Variants in COL5A3 observed in about 807,000 individuals in gnomAD.
COL5A3 encodes the protein collagen alpha-3(V) chain.
COL5A3 carries 172 observed loss-of-function variants against 250.0 expected under a neutral mutation model. The ratio of observed to expected loss-of-function variants is 0.69; its 90% CI spans 0.61 to 0.78. The LOEUF (loss-of-function observed/expected upper bound fraction) is 0.78, where lower values mean the gene tolerates loss of function less well. COL5A3 is among the 30% of genes least tolerant of loss of function. The probability of loss-of-function intolerance (pLI) is 0.00; values close to 1 mark genes in which losing one functional copy is unlikely to be tolerated. For missense variants in COL5A3, 2,340 were observed against 2,334.4 expected, an observed-to-expected ratio of 1.00 and a Z score of -0.05; for synonymous variants, 937 against 900.4, an observed-to-expected ratio of 1.04 and a Z score of -0.73.
intron 51 of COL5A3, among the ~76,000 whole-genome samples, chr19:9,972,145 AT>A (rs1430143020): frequency 6.6e-6 from 1 of 152,094 alleles, no homozygotes; most frequent in Admixed American, 6.6e-5. Flanking sequence ...TCATGCATCC[AT>A]TAATTTACTT....
At chr19:9,969,050 G>C (rs2277967) in intron 57 of COL5A3, among the ~76,000 whole-genome samples, 24,241 of 152,064 alleles carry the variant, frequency 0.16, 2,291 homozygotes, top group East Asian at 0.23. Context: ...TGGAGTATTA[G>C]AGCAGAGGGT....
rs1023864284 is a variant in COL5A3 at position 9,960,335 on chromosome 19, C to T, written c.*76G>A. The T allele has an allele frequency of 1.2e-5, 18 of 1,563,860 alleles. No individual in the cohort carries two copies. The highest frequency in any genetic ancestry group is 6.8e-5 in the African/African-American group (5 of 73,630). ...CCATAGTCACAGGTAACGAAAAATA[C>T]GGTGGCTTCAAAGCCTCAGCACCAA... On this transcript the variant is annotated 3_prime_UTR_variant, in exon 67 of 67. Transcript: ENST00000264828.
At chr19:10,000,311 T>TGG (rs1335051186) in intron 8 of COL5A3, among the ~76,000 whole-genome samples, 4 of 152,082 alleles carry the variant, frequency 2.6e-5, no homozygotes, top group African/African-American at 7.2e-5. Context: ...AAGACCAAAA[T>TGG]GGAGCATGTC....
chr19:10,006,179 G>A lies in COL5A3; in HGVS notation c.141C>T (p.Val47=), dbSNP rs774258220. The A allele has an allele frequency of 6.2e-7, 1 of 1,608,438 alleles. No individual in the cohort carries two copies. The highest frequency in any genetic ancestry group is 8.5e-7 in the Non-Finnish European group (1 of 1,177,644). Residue 47 remains valine (V), a synonymous_variant, in exon 2 of 67, where the codon GTC becomes GTT. Coordinates refer to ENST00000264828, the MANE Select transcript of COL5A3 (RefSeq NM_015719.4). ...GGGGACAGAAGCCAGGCCCCTCGGGGACCCCAGCCTGGCCTCCCTGCACAC... is the reference window on the plus strand; with the variant it reads ...GGGGACAGAAGCCAGGCCCCTCGGGAACCCCAGCCTGGCCTCCCTGCACAC... ...ALGVQGGQAG[V]PEGPGFCPQR...
rs62104329 is a variant in COL5A3, at chr19:9,971,906, A to G, written c.3775-648T>C. ...AATTCAAGTGTTAGAATGATCTGCC[A>G]TGAAATCAACTTTCTTGCCATTCAA... is the stretch of plus-strand genomic sequence containing the variant. On this transcript the variant is annotated intron_variant, in intron 51 of 66. Transcript: ENST00000264828. 6.5e-3 allele frequency among the ~76,000 whole-genome samples: 553 copies of G among 84,654 alleles called. 70 individuals carry two copies. Among genetic ancestry groups the G allele is most frequent in the African/African-American group, 0.056 (504 of 8,978 alleles). The allele number at this position is 84,654 out of a possible 152,430, so 55.5% of individuals were successfully genotyped here.
intron 8 of COL5A3, among the ~76,000 whole-genome samples, chr19:9,998,551 C>T (rs1277062367): frequency 6.6e-6 from 1 of 152,166 alleles, no homozygotes; most frequent in Non-Finnish European, 1.5e-5. Flanking sequence ...TAAAACAATG[C>T]TTGGCACACA....
At position 9,975,223 on chromosome 19, in the gene COL5A3, C is replaced by T. The variant is rs35465645; in HGVS notation, c.3343-815G>A. 4.1e-3 allele frequency among the ~76,000 whole-genome samples: 624 copies of T among 152,102 alleles called. 2 individuals carry two copies. Among genetic ancestry groups the T allele is most frequent in the African/African-American group, 0.011 (474 of 41,484 alleles). On this transcript the variant is annotated intron_variant, in intron 45 of 66. Transcript: ENST00000264828. ...CCAAGTAGCTGGGATTACAGGGGCCCGCCACCATGCCCAGCAAATTTTTTT... is the reference window on the plus strand; with the variant it reads ...CCAAGTAGCTGGGATTACAGGGGCCTGCCACCATGCCCAGCAAATTTTTTT...
chr19:9,963,604 G>A (rs543684641), intron 64 of COL5A3, among the ~76,000 whole-genome samples: 22 of 145,666 alleles, frequency 1.5e-4, no homozygotes, highest in South Asian at 6.7e-4. Flanking sequence ...TGTTGCCCAG[G>A]CTGGTCTTGA....
chr19:9,970,921 T>A, intron 53 of COL5A3, 54 bp downstream of exon 53: 2 of 1,254,932 alleles, frequency 1.6e-6, no homozygotes, highest in Non-Finnish European at 2.2e-6. Context: ...ATTCACTCAC[T>A]CATTAGCTCC....
chr19:9,977,947 C>CATATATATATATATATATATATAT (rs372091609), intron 41 of COL5A3, among the ~76,000 whole-genome samples: 9 of 106,156 alleles, frequency 8.5e-5, no homozygotes, highest in African/African-American at 2.2e-4. Context: ...GCAGCCTATA[C>CATATATATATATATATATATATAT]ATATATATAT....
Position 9,968,086 on chromosome 19 carries a change from A to G in COL5A3, c.4315-7T>C. On this transcript the variant is annotated splice_region_variant and splice_polypyrimidine_tract_variant and intron_variant, in intron 59 of 66. Coordinates refer to ENST00000264828, the MANE Select transcript of COL5A3 (RefSeq NM_015719.4). The surrounding 1 kb of genome is among the most constrained non-coding windows in gnomAD (Gnocchi z 4.1). ...CAATGGGACCAGGGGGACCCTAGGA[A>G]AAGGACATCGGGTCAGTATTGGTGG... 6.3e-7 allele frequency: 1 copy of G among 1,587,208 alleles called. No individual in the cohort carries two copies. Among genetic ancestry groups the G allele is most frequent in the Admixed American group, 2.0e-5 (1 of 50,636 alleles).
chr19:9,968,610 C>T lies in COL5A3; in HGVS notation c.4206+65G>A. 3.1e-6 allele frequency: 5 copies of T among 1,593,256 alleles called. No individual in the cohort carries two copies. Among genetic ancestry groups the T allele is most frequent in the Middle Eastern group, 1.7e-4 (1 of 6,006 alleles). On this transcript the variant is annotated intron_variant, in intron 58 of 66. Transcript: ENST00000264828. The surrounding 1 kb of genome is among the most constrained non-coding windows in gnomAD (Gnocchi z 4.1). ...GAGGATGCACCAATCTCCCAGCCCC[C>T]CAGCCAGGGAGGGAGGGAAAGAGGG... is the stretch of plus-strand genomic sequence containing the variant.
rs148984679 is a variant in COL5A3 at position 9,967,329 on chromosome 19, G to GC, written c.4458+17dup. 36,161 of 1,413,886 alleles carry GC rather than the reference G, an allele frequency of 0.026. 2,096 individuals are homozygous for GC. Among genetic ancestry groups the GC allele is most frequent in the African/African-American group, 0.24 (15,716 of 65,666 alleles). The allele number at this position is 1,413,886 out of a possible 1,614,324, so 87.6% of individuals were successfully genotyped here. A position where few individuals can be genotyped will look rare whatever the true frequency, so the allele number is the denominator to read the frequency against. ...CCCAGGTTTTGGTGTCCATTCCCCC[G>GC]CCCCCCGGGGAACTCACCGGGGGGC... On this transcript the variant is annotated intron_variant, in intron 62 of 66. Coordinates refer to ENST00000264828, the MANE Select transcript of COL5A3 (RefSeq NM_015719.4).
rs770696578 is a variant in COL5A3, at chr19:9,973,000, C to G, written c.3693G>C (p.Lys1231Asn). 6.2e-7 allele frequency: 1 copy of G among 1,610,470 alleles called. No individual in the cohort carries two copies. The highest frequency in any genetic ancestry group is 8.5e-7 in the Non-Finnish European group (1 of 1,178,424). ...IPGPKGDIGEKGDSGPSGAAG... is the reference protein window; with the variant it reads ...IPGPKGDIGENGDSGPSGAAG... ...CAGCTCCAGATGGGCCTGAGTCCCC[C>G]TTTTCACCAATGTCTCCCTTGGGCC... The change falls in exon 51 of 67, where the codon AAG (lysine) becomes AAC (asparagine). Residue 1231 changes from lysine (K) to asparagine (N), a missense_variant. By Grantham distance (94) the Lys-to-Asn change is moderately conservative (BLOSUM62 0). This residue lies in a region of COL5A3 where 1,179 missense variants were observed against 1,162.6 expected (regional missense o/e 1.01). Coordinates refer to ENST00000264828, the MANE Select transcript of COL5A3 (RefSeq NM_015719.4).
At chr19:10,010,025 C>G (rs1392532776) in intron 1 of COL5A3, among the ~76,000 whole-genome samples, 1 of 152,144 alleles carries the variant, frequency 6.6e-6, no homozygotes, top group African/African-American at 2.4e-5. Flanking sequence ...CACACACATG[C>G]TACACACACA....
chr19:9,991,643 A>G lies in COL5A3; in HGVS notation c.1959T>C (p.Gly653=), dbSNP rs779923858. The G allele has an allele frequency of 1.2e-5, 20 of 1,610,130 alleles. No homozygotes were observed. The highest frequency in any genetic ancestry group is 1.7e-5 in the Non-Finnish European group (20 of 1,178,190). Residue 653 remains glycine, a synonymous_variant, in exon 24 of 67, where the codon GGT becomes GGC. Coordinates refer to ENST00000264828, the MANE Select transcript of COL5A3 (RefSeq NM_015719.4). ...CAGGAGTGCCAATGAGTCCCTGGGG[A>G]CCGGGGAGTCCCTGGAGACAGAAAA... is the stretch of plus-strand genomic sequence containing the variant. ...QGNHGSQGLP[G]PQGLIGTPGE...
intron 1 of COL5A3, 31 bp downstream of exon 1, chr19:10,010,267 C>T (rs1331685119): frequency 7.2e-7 from 1 of 1,386,938 alleles, no homozygotes; most frequent in Non-Finnish European, 9.4e-7. Flanking sequence ...AGTCGTGGAC[C>T]CTGGGTCCCA....
chr19:9,984,621 T>C (rs1200165422), intron 31 of COL5A3, among the ~76,000 whole-genome samples: 1 of 152,188 alleles, frequency 6.6e-6, no homozygotes, highest in Non-Finnish European at 1.5e-5. Flanking sequence ...TACAGTTTTA[T>C]AATCATTGTC....
At chr19:9,990,478 A>T (rs919234618) in intron 24 of COL5A3, among the ~76,000 whole-genome samples, 1 of 152,160 alleles carries the variant, frequency 6.6e-6, no homozygotes, top group Admixed American at 6.5e-5. Context: ...ACTACATGAC[A>T]TGATTCTTAT....
Sources: gnomAD v4.1 joint callset for allele counts (sites outside exome capture counted in the v4.1 genomes callset) on GRCh38, gnomAD v4.1.1 for gene constraint, gnomAD v4.1.1 regional missense constraint, Gnocchi (gnomAD v3.1) non-coding constraint, MANE v1.5 for transcripts, NCBI Gene and HGNC (gene_info 2026-07-23, HGNC 2026-07-21) for gene names.